Variants in PCDHGC5 observed in about 807,000 individuals in gnomAD.
The protein encoded by PCDHGC5 is protocadherin gamma subfamily C, 5, also known as protocadherin gamma-C5.
A neutral mutation model predicts 59.0 loss-of-function variants in PCDHGC5; 25 were observed. The observed-to-expected ratio is 0.42, with a 90% confidence interval of 0.31 to 0.59. PCDHGC5 has a LOEUF of 0.59. Ranked by LOEUF, PCDHGC5 falls within the 20% of genes least tolerant of loss-of-function variation. The probability of loss-of-function intolerance (pLI) is 0.13; values close to 1 mark genes in which losing one functional copy is unlikely to be tolerated. For missense variants in PCDHGC5, 1,067 were observed against 1,206.4 expected, an observed-to-expected ratio of 0.88 and a Z score of 1.71; for synonymous variants, 434 against 505.5, an observed-to-expected ratio of 0.86 and a Z score of 1.90.
chr5:141,490,010 T>C lies in PCDHGC5; in HGVS notation c.770T>C (p.Ile257Thr), dbSNP rs749356078. Residue 257 changes from isoleucine to threonine, a missense_variant, in exon 1 of 4, where the codon ATT becomes ACT. Coordinates refer to ENST00000252087, the MANE Select transcript of PCDHGC5 (RefSeq NM_018929.3). The surrounding 1 kb of genome is among the most constrained non-coding windows in gnomAD (Gnocchi z 5.4). ...LRVGIPENAP[I>T]GTLLLRLNAT... ...GTGGGAATCCCAGAGAATGCACCCA[T>C]TGGTACTCTGCTGCTCCGCCTCAAT... 11 of 1,614,198 alleles carry C rather than the reference T, an allele frequency of 6.8e-6. No homozygotes were observed. The highest frequency in any genetic ancestry group is 2.2e-5 in the South Asian group (2 of 91,082).
intron 2 of PCDHGC5, among the ~76,000 whole-genome samples, chr5:141,504,794 A>G (rs2099841154): frequency 6.6e-6 from 1 of 151,718 alleles, no homozygotes; most frequent in African/African-American, 2.4e-5. Flanking sequence ...GGCCTCCTAC[A>G]TCTCCCCCTA....
rs1408454981 is a variant in PCDHGC5, at chr5:141,489,682, T to C, written c.442T>C (p.Ser148Pro). The C allele has an allele frequency of 6.2e-7, 1 of 1,614,184 alleles. No individual in the cohort carries two copies. The highest frequency in any genetic ancestry group is 8.5e-7 in the Non-Finnish European group (1 of 1,180,024). The change falls in exon 1 of 4, where the codon TCT (serine) becomes CCT (proline). Residue 148 changes from serine to proline, a missense_variant. By Grantham distance (74) the Ser-to-Pro change is moderately conservative. Transcript: ENST00000252087. This position sits in a 1 kb window ranked among gnomAD's most constrained non-coding sequence, Gnocchi z 4.5. ...GATGCGCATCTCAGAATCAGCAGCATCTGGGGCACGATTCCCACTGGACAG... is the reference window on the plus strand; with the variant it reads ...GATGCGCATCTCAGAATCAGCAGCACCTGGGGCACGATTCCCACTGGACAG... Reference protein sequence around the residue: ...REMRISESAASGARFPLDSAQ... With the variant: ...REMRISESAAPGARFPLDSAQ...
intron 1 of PCDHGC5, 138 bp from the exon 2 acceptor site, chr5:141,494,669 T>A: frequency 6.5e-7 from 1 of 1,527,472 alleles, no homozygotes; most frequent in South Asian, 1.2e-5. Context: ...TGGAGATGAG[T>A]CCACCCCTGC....
Position 141,493,554 on chromosome 5 carries a change from G to A in PCDHGC5, c.2461-1253G>A, listed in dbSNP as rs2099748882. The stretch of plus-strand genomic sequence containing the variant: ...GGCCAGTTATCCTTTTGGAGATTGA[G>A]TTCCCCCAGCTCCGTTTCCTCCTAT... On this transcript the variant is annotated intron_variant, in intron 1 of 3. Coordinates refer to ENST00000252087, the MANE Select transcript of PCDHGC5 (RefSeq NM_018929.3). The surrounding 1 kb of genome is among the most constrained non-coding windows in gnomAD (Gnocchi z 4.3). 6.6e-6 allele frequency among the ~76,000 whole-genome samples: 1 copy of A among 152,166 alleles called. No homozygotes were observed. Among genetic ancestry groups the A allele is most frequent in the Admixed American group, 6.5e-5 (1 of 15,282 alleles).
chr5:141,496,923 C>T (rs963522127), intron 2 of PCDHGC5, among the ~76,000 whole-genome samples: 9 of 150,728 alleles, frequency 6.0e-5, no homozygotes, highest in East Asian at 1.9e-4. Context: ...CTGTGGTTCA[C>T]GCCTGTAATC....
intron 1 of PCDHGC5, chr5:141,492,079 G>A (rs1400390407): frequency 4.1e-6 from 2 of 486,168 alleles, no homozygotes; most frequent in African/African-American, 2.0e-5. Context: ...CGCCGGCTCC[G>A]GCACGCTTCG....
chr5:141,492,464 C>G (rs1595116794), intron 1 of PCDHGC5, among the ~76,000 whole-genome samples: 1 of 152,354 alleles, frequency 6.6e-6, no homozygotes, highest in Non-Finnish European at 1.5e-5. Context: ...GCCTGAGGGT[C>G]CCAGATCGCG....
Position 141,489,089 on chromosome 5 carries a change from A to T in PCDHGC5, c.-152A>T, listed in dbSNP as rs1214993065. The T allele has an allele frequency of 7.4e-5, 21 of 284,398 alleles. No homozygotes were observed. Among genetic ancestry groups the T allele is most frequent in the East Asian group, 1.1e-4 (2 of 17,560 alleles). The allele number at this position is 284,398 out of a possible 1,614,324, so 17.6% of individuals were successfully genotyped here. On this transcript the variant is annotated 5_prime_UTR_variant, in exon 1 of 4. Coordinates refer to ENST00000252087, the MANE Select transcript of PCDHGC5 (RefSeq NM_018929.3). This position sits in a 1 kb window ranked among gnomAD's most constrained non-coding sequence, Gnocchi z 4.5. ...CCCTGCCCACCCCCGCCACTCGGTGACTAAGAACTGCTGCAAGCAGGCAAA... is the reference window on the plus strand; with the variant it reads ...CCCTGCCCACCCCCGCCACTCGGTGTCTAAGAACTGCTGCAAGCAGGCAAA...
At chr5:141,501,516 C>A (rs763346187) in intron 2 of PCDHGC5, among the ~76,000 whole-genome samples, 1 of 152,010 alleles carries the variant, frequency 6.6e-6, no homozygotes, top group Non-Finnish European at 1.5e-5. Flanking sequence ...GGCCTCCAAG[C>A]TGAAGCCCAG....
rs576983336 is a variant in PCDHGC5, at chr5:141,489,165, G to A, written c.-76G>A. 5.8e-4 allele frequency: 625 copies of A among 1,082,080 alleles called. 8 individuals are homozygous for A. The South Asian group carries it at 7.9e-3, about 14-fold the overall frequency. The allele number at this position is 1,082,080 out of a possible 1,614,324, so 67.0% of individuals were successfully genotyped here. On this transcript the variant is annotated 5_prime_UTR_variant, in exon 1 of 4. Transcript: ENST00000252087. The surrounding 1 kb of genome is among the most constrained non-coding windows in gnomAD (Gnocchi z 4.5). ...GAAGGAGACATAAGAGACTTCAGCT[G>A]CTGCATTCCAAGCCCTGGGTCTACC...
chr5:141,499,054 TGAA>T (rs2099789231), intron 2 of PCDHGC5, among the ~76,000 whole-genome samples: 1 of 150,820 alleles, frequency 6.6e-6, no homozygotes, highest in Non-Finnish European at 1.5e-5. Context: ...GGAGAAAAAA[TGAA>T]GAAGACTTAC....
chr5:141,504,078 C>T (rs1333392062), intron 2 of PCDHGC5, among the ~76,000 whole-genome samples: 1 of 152,078 alleles, frequency 6.6e-6, no homozygotes, highest in Non-Finnish European at 1.5e-5. Flanking sequence ...CCAGATGGTG[C>T]CAAACAGTTA....
intron 2 of PCDHGC5, among the ~76,000 whole-genome samples, chr5:141,503,824 C>G (rs1216231770): frequency 1.3e-5 from 2 of 152,058 alleles, no homozygotes; most frequent in South Asian, 4.1e-4. Context: ...TTGGGCAAAA[C>G]CAAAAGCAGG....
In PCDHGC5 at chr5:141,491,797, G is replaced by T. The variant is rs537755017; in HGVS notation, c.2460+97G>T. The stretch of plus-strand genomic sequence containing the variant: ...ATTGAACTTGCATCCACTCCTCTCC[G>T]GCCGGCTTGGTCGCTGGCTGCGCTC... On this transcript the variant is annotated intron_variant, in intron 1 of 3. Coordinates refer to ENST00000252087, the MANE Select transcript of PCDHGC5 (RefSeq NM_018929.3). The surrounding 1 kb of genome is among the most constrained non-coding windows in gnomAD (Gnocchi z 6.9). 2.0e-6 allele frequency: 3 copies of T among 1,506,818 alleles called. No homozygotes were observed. The highest frequency in any genetic ancestry group is 2.4e-5 in the Admixed American group (1 of 41,734). 93.3% of individuals were successfully genotyped at this position (1,506,818 alleles called of 1,614,324 possible). A position where few individuals can be genotyped will look rare whatever the true frequency, so the allele number is the denominator to read the frequency against.
chr5:141,498,971 G>GGGAAGGAAGGAAGGAAGGAA (rs201769957), intron 2 of PCDHGC5, among the ~76,000 whole-genome samples: 36 of 111,052 alleles, frequency 3.2e-4, no homozygotes, highest in African/African-American at 9.0e-4. Context: ...GAGGGAGGGA[G>GGGAAGGAAGGAAGGAAGGAA]GGAAGGAAGG....
Position 141,491,077 on chromosome 5 carries a change from T to TAGGA in PCDHGC5, c.1837_1838insAGGA (p.Ser613Ter), listed in dbSNP as rs752090443. 1.2e-6 allele frequency: 2 copies of TAGGA among 1,614,166 alleles called. No homozygotes were observed. Among genetic ancestry groups the TAGGA allele is most frequent in the Admixed American group, 3.3e-5 (2 of 60,014 alleles). On this transcript the variant is annotated stop_gained and frameshift_variant, in exon 1 of 4. Transcript: ENST00000252087. LOFTEE classifies it high-confidence loss of function. This position sits in a 1 kb window ranked among gnomAD's most constrained non-coding sequence, Gnocchi z 6.9. The stretch of plus-strand genomic sequence containing the variant: ...GCTCTCCTACTCACTGTTGCCACAG[T>TAGGA]CCACAGCCCCAGGACTGTTCCTCGT...
rs2099698809 is a variant in PCDHGC5 at position 141,490,343 on chromosome 5, T to C, written c.1103T>C (p.Val368Ala). The change falls in exon 1 of 4, where the codon GTA becomes GCA. Residue 368 changes from valine to alanine, a missense_variant. Physicochemically the swap from Val to Ala is moderately conservative, Grantham distance 64. Transcript: ENST00000252087. This position sits in a 1 kb window ranked among gnomAD's most constrained non-coding sequence, Gnocchi z 5.4. The part of the protein sequence containing the change: ...PVLESTPVGT[V>A]VGLFNVRDRD... ...CTAGAGAGCACACCAGTGGGCACAG[T>C]AGTGGGGTTGTTTAATGTGCGAGAC... The C allele has an allele frequency of 6.2e-7, 1 of 1,614,018 alleles. No individual in the cohort carries two copies. Among genetic ancestry groups the C allele is most frequent in the Admixed American group, 1.7e-5 (1 of 60,006 alleles).
intron 2 of PCDHGC5, among the ~76,000 whole-genome samples, chr5:141,497,219 A>G (rs974609491): frequency 6.7e-6 from 1 of 149,602 alleles, no homozygotes; most frequent in South Asian, 2.1e-4. Context: ...TGGGGGGGGG[A>G]AGATCAGAGA....
In PCDHGC5 at chr5:141,490,996, G is replaced by A; in HGVS notation, c.1756G>A (p.Gly586Ser). ...GCGTCTCCCTCGCTCTGCTCCTCCT[G>A]GCTCCTTGGTCACCAAGGTGACAGC... is the stretch of plus-strand genomic sequence containing the variant. ...PQRLPRSAPP[G>S]SLVTKVTAVD... Residue 586 changes from glycine to serine, a missense_variant, in exon 1 of 4, where the codon GGC becomes AGC. Physicochemically the swap from Gly to Ser is moderately conservative, Grantham distance 56 (BLOSUM62 0). Transcript: ENST00000252087. This position sits in a 1 kb window ranked among gnomAD's most constrained non-coding sequence, Gnocchi z 5.4. The A allele has an allele frequency of 6.2e-7, 1 of 1,614,090 alleles. No individual in the cohort carries two copies. The highest frequency in any genetic ancestry group is 8.5e-7 in the Non-Finnish European group (1 of 1,180,028).
Sources: allele counts gnomAD v4.1 joint callset (sites outside exome capture counted in the v4.1 genomes callset), GRCh38; gene constraint gnomAD v4.1.1; non-coding constraint Gnocchi (gnomAD v3.1); transcripts MANE v1.5; gene names NCBI Gene and HGNC (gene_info 2026-07-23, HGNC 2026-07-21).